The following GRIP1 variants were observed in gnomAD, a reference collection of about 807,000 sequenced individuals.
GRIP1 encodes the protein glutamate receptor-interacting protein 1.
GRIP1 carries 45 observed loss-of-function variants against 129.9 expected under a neutral mutation model. The observed-to-expected ratio is 0.35, with a 90% confidence interval of 0.27 to 0.44. The LOEUF is 0.44. GRIP1 is among the 20% of genes least tolerant of loss of function. The probability of loss-of-function intolerance (pLI) is 1.00; values close to 1 mark genes in which losing one functional copy is unlikely to be tolerated. For synonymous variants in GRIP1, 530 were observed against 520.8 expected (o/e 1.02, Z -0.24); for missense variants, 1,196 against 1,396.8 (o/e 0.86, Z 2.29).
At chr12:66,997,446 GA>G (rs1283126059) in intron 1 of GRIP1, among the ~76,000 whole-genome samples, 6 of 151,998 alleles carry the variant, frequency 3.9e-5, no homozygotes, top group African/African-American at 1.4e-4. Flanking sequence ...AGGAGAATAA[GA>G]AAAGTAGGTA....
rs542737043 is a variant in GRIP1, at chr12:66,467,292, T to G, written c.725-1870A>C. Among the ~76,000 whole-genome samples, 52 of 152,280 alleles carry G rather than the reference T, an allele frequency of 3.4e-4. No homozygotes were observed. The South Asian group carries it at 9.1e-3, about 27-fold the overall frequency. On this transcript the variant is annotated intron_variant, in intron 7 of 24. Coordinates refer to ENST00000359742, the MANE Select transcript of GRIP1 (RefSeq NM_001366722.1). ...GATTTGCCCATAAGCCTAACTATGG[T>G]GGATGCTACTCTCTGCTCTCGCTCA... is the stretch of plus-strand genomic sequence containing the variant.
At chr12:66,927,355 A>G (rs1346925345) in intron 1 of GRIP1, among the ~76,000 whole-genome samples, 3 of 152,214 alleles carry the variant, frequency 2.0e-5, no homozygotes, top group Non-Finnish European at 4.4e-5. Context: ...CAGCCAACAA[A>G]GCAGCAAAAA....
intron 1 of GRIP1, among the ~76,000 whole-genome samples, chr12:66,723,372 G>A (rs1165422468): frequency 6.9e-6 from 1 of 144,268 alleles, no homozygotes; most frequent in South Asian, 2.2e-4. Context: ...GAGTGCAGTG[G>A]TGCGATAGCA....
intron 1 of GRIP1, among the ~76,000 whole-genome samples, chr12:66,900,561 A>G (rs1393728869): frequency 2.0e-5 from 3 of 152,212 alleles, no homozygotes; most frequent in Non-Finnish European, 4.4e-5. Flanking sequence ...ACACTGCTAT[A>G]GCAGGTCCAA....
At chr12:66,395,253 T>A (rs1046484759) in intron 16 of GRIP1, among the ~76,000 whole-genome samples, 2 of 152,224 alleles carry the variant, frequency 1.3e-5, no homozygotes, top group Non-Finnish European at 2.9e-5. Flanking sequence ...CTGACATGCT[T>A]AAAGTTCTTG....
In GRIP1 at chr12:66,349,083, G is replaced by A; in HGVS notation, c.3323C>T (p.Ala1108Val). 1 of 1,614,080 alleles carries A rather than the reference G, an allele frequency of 6.2e-7. No individual in the cohort carries two copies. Among genetic ancestry groups the A allele is most frequent in the Non-Finnish European group, 8.5e-7 (1 of 1,179,976 alleles). The change falls in exon 25 of 25, where the codon GCT becomes GTT. Residue 1108 changes from alanine to valine, a missense_variant. By Grantham distance (64) the Ala-to-Val change is moderately conservative. This residue lies in a region of GRIP1 where 427 missense variants were observed against 463.3 expected (regional missense o/e 0.92). Transcript: ENST00000359742. Reference protein sequence around the residue: ...LPGDWSEQNSAFFQQPSHGGN... With the variant: ...LPGDWSEQNSVFFQQPSHGGN... ...ACCGTGGCTAGGCTGCTGGAAAAAA[G>A]CACTGTTCTGTTCACTCCAATCTCC...
Position 66,994,971 on chromosome 12 carries a change from T to G in GRIP1, c.58+74079A>C, listed in dbSNP as rs527291274. On this transcript the variant is annotated intron_variant, in intron 1 of 1. Coordinates refer to the GRIP1 transcript ENST00000643019. ...TGCAAATCTACAATAATTAAGACAG[T>G]GGAGTGCTGACATAAGGATAGATAT... 1.4e-4 allele frequency among the ~76,000 whole-genome samples: 21 copies of G among 152,078 alleles called. 1 individual carries two copies. Among genetic ancestry groups the G allele is most frequent in the Middle Eastern group, 6.9e-3 (2 of 290 alleles).
At position 66,410,005 on chromosome 12, in the gene GRIP1, C is replaced by A. The variant is rs1441437266; in HGVS notation, c.1839-3577G>T. On this transcript the variant is annotated intron_variant, in intron 15 of 24. Coordinates refer to ENST00000359742, the MANE Select transcript of GRIP1 (RefSeq NM_001366722.1). ...GTGGCTCACGCCTGTAATCCCAGCA[C>A]TTTGGGAGGCCGAGGCGGGCGGATC... Among the ~76,000 whole-genome samples, 5 of 152,086 alleles carry A rather than the reference C, an allele frequency of 3.3e-5. No homozygotes were observed. The South Asian group carries it at 6.2e-4, about 19-fold the overall frequency.
intron 1 of GRIP1, among the ~76,000 whole-genome samples, chr12:66,881,718 C>T (rs2040481757): frequency 6.6e-6 from 1 of 152,018 alleles, no homozygotes. Flanking sequence ...AAGTTATCTA[C>T]CCAGGACCCT....
intron 1 of GRIP1, among the ~76,000 whole-genome samples, chr12:66,840,277 A>G (rs1267239216): frequency 1.3e-5 from 2 of 152,204 alleles, no homozygotes; most frequent in Non-Finnish European, 1.5e-5. Flanking sequence ...CTCCAAAGTT[A>G]TTATTTCAAG....
chr12:66,908,997 C>T (rs776183614), intron 1 of GRIP1, among the ~76,000 whole-genome samples: 2 of 152,198 alleles, frequency 1.3e-5, no homozygotes, highest in Non-Finnish European at 2.9e-5. Context: ...GCACCAAACA[C>T]CTCTTTCTTC....
At chr12:66,933,870 A>C (rs1488449038) in intron 1 of GRIP1, among the ~76,000 whole-genome samples, 1 of 152,200 alleles carries the variant, frequency 6.6e-6, no homozygotes, top group East Asian at 1.9e-4. Context: ...AGATTTACAT[A>C]ATAGTACTCA....
intron 1 of GRIP1, among the ~76,000 whole-genome samples, chr12:67,057,562 G>C (rs1465964671): frequency 2.0e-5 from 3 of 151,946 alleles, no homozygotes; most frequent in African/African-American, 4.8e-5. Context: ...GGAGGGTAAG[G>C]GTCTGAGTAA....
intron 7 of GRIP1, among the ~76,000 whole-genome samples, chr12:66,513,362 A>T (rs1156295359): frequency 1.3e-5 from 2 of 152,120 alleles, no homozygotes; most frequent in African/African-American, 4.8e-5. Flanking sequence ...GGGTAACCTC[A>T]AAGATGCTTT....
chr12:67,006,502 G>A (rs187059716), intron 1 of GRIP1, among the ~76,000 whole-genome samples: 127 of 152,146 alleles, frequency 8.3e-4, no homozygotes, highest in African/African-American at 2.9e-3. Flanking sequence ...GTGAGAGATC[G>A]CTGAAATCTG....
chr12:66,765,693 C>T (rs2037615432), intron 1 of GRIP1, among the ~76,000 whole-genome samples: 2 of 152,216 alleles, frequency 1.3e-5, no homozygotes, highest in South Asian at 4.1e-4. Context: ...GGGAAAACCA[C>T]TAGAAACAAA....
chr12:66,989,624 G>T (rs1026878286), intron 1 of GRIP1, among the ~76,000 whole-genome samples: 2 of 152,092 alleles, frequency 1.3e-5, no homozygotes, highest in Non-Finnish European at 2.9e-5. Context: ...CACTCATAGA[G>T]ACTTTTTTAA....
chr12:66,719,055 C>T (rs922182525), intron 1 of GRIP1, among the ~76,000 whole-genome samples: 2 of 151,848 alleles, frequency 1.3e-5, no homozygotes, highest in Non-Finnish European at 2.9e-5. Context: ...TATCTTAATA[C>T]TTATTACTGG....
intron 1 of GRIP1, among the ~76,000 whole-genome samples, chr12:66,754,959 T>C (rs565204102): frequency 8.5e-5 from 13 of 152,244 alleles, no homozygotes; most frequent in African/African-American, 2.9e-4. Context: ...ATGCCACCCT[T>C]TAGGAAGAAG....
Sources: allele counts gnomAD v4.1 joint callset (sites outside exome capture counted in the v4.1 genomes callset), GRCh38; gene constraint gnomAD v4.1.1; regional missense constraint gnomAD v4.1.1; transcripts MANE v1.5; gene names NCBI Gene and HGNC (gene_info 2026-07-23, HGNC 2026-07-21).